Variants in LRPPRC observed in about 807,000 individuals in gnomAD.
LRPPRC encodes the protein leucine-rich PPR motif-containing protein, mitochondrial.
LRPPRC carries 120 observed loss-of-function variants against 180.3 expected under a neutral mutation model. The observed-to-expected ratio is 0.67, with a 90% CI of 0.57 to 0.77. The LOEUF (loss-of-function observed/expected upper bound fraction) is 0.77, where lower values mean the gene tolerates loss of function less well. LRPPRC is among the 30% of genes least tolerant of loss of function. The probability of loss-of-function intolerance (pLI) is 0.00; values close to 1 mark genes in which losing one functional copy is unlikely to be tolerated. For synonymous variants in LRPPRC, 723 were observed against 600.0 expected, an observed-to-expected ratio of 1.21 and a Z score of -3.00; for missense variants, 2,012 against 1,657.2, an observed-to-expected ratio of 1.21 and a Z score of -3.72.
rs1369857185 is a variant in LRPPRC at position 43,947,187 on chromosome 2, A to G, written c.2079+70T>C. ...CAATTGTAAAAATCATAAATATTAT[A>G]TTTGGTTTTTCTTATTGTTACCAAG... On this transcript the variant is annotated intron_variant, in intron 20 of 37. Coordinates refer to ENST00000260665, the MANE Select transcript of LRPPRC (RefSeq NM_133259.4). 6 of 695,752 alleles carry G rather than the reference A, an allele frequency of 8.6e-6. No individual in the cohort carries two copies. The Admixed American group carries it at 1.5e-4, about 17-fold the overall frequency. The allele number at this position is 695,752 out of a possible 1,614,324, so 43.1% of individuals were successfully genotyped here.
intron 35 of LRPPRC, 176 bp downstream of exon 35, chr2:43,896,458 T>C (rs1670690611): frequency 1.8e-6 from 1 of 566,824 alleles, no homozygotes; most frequent in South Asian, 2.0e-5. Flanking sequence ...TTGTTTTACA[T>C]TTCCAGTACA....
At chr2:43,903,790 C>A (rs1339704034) in intron 31 of LRPPRC, 1 of 152,112 alleles carries the variant, frequency 6.6e-6, no homozygotes, top group Non-Finnish European at 1.5e-5. Flanking sequence ...AATGAACCCC[C>A]TGAAATTAGA....
chr2:43,977,464 A>G (rs1408499113), intron 3 of LRPPRC, among the ~76,000 whole-genome samples, 188 bp from the exon 4 acceptor site: 1 of 152,288 alleles, frequency 6.6e-6, no homozygotes, highest in East Asian at 1.9e-4. Context: ...TAAGACAGTA[A>G]TTACTGAGTT....
chr2:43,947,865 T>G (rs1373120444), intron 18 of LRPPRC, 90 bp from the exon 19 acceptor site: 2 of 832,730 alleles, frequency 2.4e-6, no homozygotes, highest in African/African-American at 1.7e-5. Context: ...AAGTCTCACC[T>G]CATATTACTA....
At chr2:43,915,028 TG>T (rs546686566) in intron 29 of LRPPRC, among the ~76,000 whole-genome samples, 51 of 124,904 alleles carry the variant, frequency 4.1e-4, no homozygotes, top group East Asian at 2.9e-3. Context: ...GCCAACATGG[TG>T]AAACCCTGTC....
rs139192988 is a variant in LRPPRC, at chr2:43,934,773, C to G, written c.2610G>C (p.Glu870Asp). ...ACTCACCTTTCTGAATTAGATCAGT[C>G]TCGCCTTTCTCTACCAGTTTACACA... The part of the protein sequence containing the change: ...DVLCKLVEKG[E>D]TDLIQKAMDF... The change falls in exon 24 of 38, where the codon GAG becomes GAC. Residue 870 changes from glutamate (E) to aspartate (D), a missense_variant. By Grantham distance (45) the Glu-to-Asp change is conservative (BLOSUM62 2). Transcript: ENST00000260665. 121 of 1,612,792 alleles carry G rather than the reference C, an allele frequency of 7.5e-5. No individual in the cohort carries two copies. Among genetic ancestry groups the G allele is most frequent in the Non-Finnish European group, 9.6e-5 (113 of 1,179,038 alleles).
intron 23 of LRPPRC, among the ~76,000 whole-genome samples, chr2:43,943,155 C>CT (rs1672547818): frequency 6.6e-6 from 1 of 151,956 alleles, no homozygotes; most frequent in Admixed American, 6.6e-5. Context: ...CAAATAATGC[C>CT]TTAAATTGAG....
intron 27 of LRPPRC, among the ~76,000 whole-genome samples, chr2:43,922,007 A>G (rs993958461): frequency 1.3e-5 from 2 of 152,238 alleles, no homozygotes; most frequent in Non-Finnish European, 2.9e-5. Flanking sequence ...AGAACATAAG[A>G]AAATGTTTGT....
intron 20 of LRPPRC, 142 bp downstream of exon 20, chr2:43,947,115 T>C: frequency 1.8e-6 from 1 of 566,296 alleles, no homozygotes; most frequent in Non-Finnish European, 3.1e-6. Flanking sequence ...TGAAATTAGT[T>C]AACCTTTCAT....
At chr2:43,975,054 T>C in intron 7 of LRPPRC, 37 bp downstream of exon 7, 9 of 1,604,252 alleles carry the variant, frequency 5.6e-6, no homozygotes, top group Non-Finnish European at 7.7e-6. Flanking sequence ...TTTTTACAAA[T>C]GATTTTAAAG....
At chr2:43,974,437 A>G in intron 8 of LRPPRC, 142 bp from the exon 9 acceptor site, 1 of 818,640 alleles carries the variant, frequency 1.2e-6, no homozygotes, top group Non-Finnish European at 2.1e-6. Context: ...AAACACCTGC[A>G]AATCAAATCA....
chr2:43,995,997 G>C (rs531426651), upstream of LRPPRC: 1 of 1,518,752 alleles, frequency 6.6e-7, no homozygotes, highest in Non-Finnish European at 8.8e-7. Flanking sequence ...AAGGACAGGA[G>C]GAGCATGTGA....
Position 43,888,549 on chromosome 2 carries a change from T to C in LRPPRC, c.*51A>G, listed in dbSNP as rs771536641. On this transcript the variant is annotated 3_prime_UTR_variant, in exon 38 of 38. Transcript: ENST00000260665. ...CCCTCAGATATACTTCAAAATAACA[T>C]GTAGACACAGAATCACAAATATATA... 6.2e-6 allele frequency: 7 copies of C among 1,133,638 alleles called. No individual in the cohort carries two copies. The South Asian group carries it at 6.2e-5, about 10-fold the overall frequency. 70.2% of individuals were successfully genotyped at this position (1,133,638 alleles called of 1,614,324 possible).
Position 43,887,785 on chromosome 2 carries a change from AC to A in LRPPRC, c.*814del. 1 of 152,328 alleles carries A rather than the reference AC, an allele frequency of 6.6e-6. No individual in the cohort carries two copies. The highest frequency in any genetic ancestry group is 3.4e-3 in the Middle Eastern group (1 of 294). 9.4% of individuals were successfully genotyped at this position (152,328 alleles called of 1,614,324 possible). A position where few individuals can be genotyped will look rare whatever the true frequency, so the allele number is the denominator to read the frequency against. On this transcript the variant is annotated 3_prime_UTR_variant, in exon 38 of 38. Coordinates refer to ENST00000260665, the MANE Select transcript of LRPPRC (RefSeq NM_133259.4). ...TTTTATTTCAAACAATTAAATACAA[AC>A]CAATATTTTACCCCTTCATAGATGA...
chr2:43,987,436 A>G (rs1035612973), intron 1 of LRPPRC, among the ~76,000 whole-genome samples: 4 of 138,974 alleles, frequency 2.9e-5, no homozygotes, highest in African/African-American at 8.2e-5. Context: ...CGGAGCTTGC[A>G]GTGAGCCGAG....
intron 36 of LRPPRC, among the ~76,000 whole-genome samples, chr2:43,894,066 C>T (rs1243461213): frequency 2.6e-5 from 4 of 152,118 alleles, no homozygotes; most frequent in African/African-American, 4.8e-5. Flanking sequence ...TGAACTGGGA[C>T]GTAAAAACCT....
At chr2:43,950,013 A>G (rs1456480169) in intron 15 of LRPPRC, among the ~76,000 whole-genome samples, 1 of 152,226 alleles carries the variant, frequency 6.6e-6, no homozygotes, top group Non-Finnish European at 1.5e-5. Flanking sequence ...ATTCCTCATT[A>G]TATTGCTTTT....
Position 43,899,331 on chromosome 2 carries a change from C to T in LRPPRC, c.3713G>A (p.Ser1238Asn). The T allele has an allele frequency of 6.2e-7, 1 of 1,613,054 alleles. No individual in the cohort carries two copies. The highest frequency in any genetic ancestry group is 8.5e-7 in the Non-Finnish European group (1 of 1,179,034). Reference sequence around the variant, plus strand: ...ATTGGCCAATCTCTCCGCCATGATGCTTACTGGAAAAATGACAGGTAAGAA... The same window carrying T: ...ATTGGCCAATCTCTCCGCCATGATGTTTACTGGAAAAATGACAGGTAAGAA... ...EQLEPAVEKI[S>N]IMAERLANQF... The change falls in exon 34 of 38, where the codon AGC (serine) becomes AAC (asparagine). Residue 1238 changes from serine to asparagine, a missense_variant. By Grantham distance (46) the Ser-to-Asn change is conservative (BLOSUM62 1). Coordinates refer to ENST00000260665, the MANE Select transcript of LRPPRC (RefSeq NM_133259.4).
intron 1 of LRPPRC, among the ~76,000 whole-genome samples, chr2:43,984,520 G>T (rs1157460997): frequency 6.6e-6 from 1 of 152,090 alleles, no homozygotes; most frequent in Non-Finnish European, 1.5e-5. Flanking sequence ...ATTTAATTAA[G>T]TAGAAACATG....
Sources: allele counts gnomAD v4.1 joint callset (sites outside exome capture counted in the v4.1 genomes callset), GRCh38; gene constraint gnomAD v4.1.1; transcripts MANE v1.5; gene names NCBI Gene and HGNC (gene_info 2026-07-23, HGNC 2026-07-21).